STRA8: variants seen among roughly 807,000 people sequenced by gnomAD.
The protein encoded by STRA8 is stimulated by retinoic acid gene 8 protein homolog.
In STRA8, 18 loss-of-function variants were observed where a neutral mutation model predicts 37.1. That is an observed-to-expected ratio of 0.48 (90% confidence interval 0.34 to 0.72). The LOEUF (loss-of-function observed/expected upper bound fraction) is 0.72, where lower values mean the gene tolerates loss of function less well. Among genes scored for constraint, STRA8 ranks in the 30% least tolerant of loss-of-function variants. STRA8 has a pLI of 0.01. For missense variants in STRA8, 357 were observed against 410.4 expected, an observed-to-expected ratio of 0.87 and a Z score of 1.13; for synonymous variants, 168 against 162.9, an observed-to-expected ratio of 1.03 and a Z score of -0.24.
At chr7:135,240,422 T>C in intron 1 of STRA8, 97 bp from the exon 2 acceptor site, 1 of 1,212,074 alleles carries the variant, frequency 8.3e-7, no homozygotes, top group Non-Finnish European at 1.2e-6. Flanking sequence ...TTGGGAAGGG[T>C]ACCTCCTTTC....
At chr7:135,241,465 TC>T (rs1832463264) in intron 2 of STRA8, among the ~76,000 whole-genome samples, 1 of 151,808 alleles carries the variant, frequency 6.6e-6, no homozygotes. Context: ...TGCTTTGGGG[TC>T]CCCCCTCCAT....
intron 1 of STRA8, among the ~76,000 whole-genome samples, chr7:135,236,000 G>A (rs1832371360): frequency 6.6e-6 from 1 of 151,938 alleles, no homozygotes; most frequent in African/African-American, 2.4e-5. Flanking sequence ...TACTCAGGAG[G>A]ATGTGGTGGA....
In STRA8 at chr7:135,240,715, A is replaced by G. The variant is rs1196670380; in HGVS notation, c.191A>G (p.Lys64Arg). The change falls in exon 2 of 9, where the codon AAG (lysine) becomes AGG (arginine). Residue 64 changes from lysine (K) to arginine (R), a missense_variant and splice_region_variant. By Grantham distance (26) the Lys-to-Arg change is conservative. Transcript: ENST00000662584. The stretch of plus-strand genomic sequence containing the variant: ...TCTCAGTCTGATCTCATAGCCTCAA[A>G]GGTATGGGGACCTGGAGGAGGAGAG... The part of the protein sequence containing the change: ...VYSQSDLIAS[K>R]WQVLNKAKSH... 1 of 1,613,730 alleles carries G rather than the reference A, an allele frequency of 6.2e-7. No individual in the cohort carries two copies. The highest frequency in any genetic ancestry group is 8.5e-7 in the Non-Finnish European group (1 of 1,179,878).
intron 7 of STRA8, among the ~76,000 whole-genome samples, chr7:135,253,226 G>A (rs555743926): frequency 8.5e-4 from 129 of 152,296 alleles, no homozygotes; most frequent in Admixed American, 2.0e-3. Flanking sequence ...GAGCCACAGC[G>A]CCTGGCTCTG....
chr7:135,255,023 C>A, intron 7 of STRA8, 91 bp from the exon 8 acceptor site: 2 of 1,056,522 alleles, frequency 1.9e-6, no homozygotes, highest in Non-Finnish European at 1.5e-6. Flanking sequence ...TTGGTTCATA[C>A]TGTAACCCAA....
At chr7:135,257,056 C>T (rs1832712463) in intron 8 of STRA8, among the ~76,000 whole-genome samples, 1 of 152,166 alleles carries the variant, frequency 6.6e-6, no homozygotes, top group South Asian at 2.1e-4. Flanking sequence ...GACTGTGGTC[C>T]CACCTCCCTG....
chr7:135,247,225 T>G (rs1832574458), intron 6 of STRA8: 2 of 152,562 alleles, frequency 1.3e-5, no homozygotes, highest in African/African-American at 4.8e-5. Context: ...TCCCTGGGGA[T>G]GGCAGAAGAC....
chr7:135,249,637 C>T (rs1832611364), intron 6 of STRA8, among the ~76,000 whole-genome samples: 1 of 152,208 alleles, frequency 6.6e-6, no homozygotes, highest in African/African-American at 2.4e-5. Context: ...TGCATAAATA[C>T]ACTCTGTGAT....
chr7:135,247,401 T>A (rs1832576925), intron 6 of STRA8, among the ~76,000 whole-genome samples: 1 of 152,230 alleles, frequency 6.6e-6, no homozygotes, highest in Non-Finnish European at 1.5e-5. Flanking sequence ...CAGTTTCTTA[T>A]CTTTCCCTGC....
At position 135,239,538 on chromosome 7, in the gene STRA8, C is replaced by T. The variant is rs139863886; in HGVS notation, c.-6-981C>T. ...CTAATGGGGGCCAGGCTCTGTGTTA[C>T]GCACTGAGGGTACAGAAGTGACGAA... On this transcript the variant is annotated intron_variant, in intron 1 of 8. Coordinates refer to ENST00000662584, the MANE Select transcript of STRA8 (RefSeq NM_001394401.1). Among the ~76,000 whole-genome samples the T allele has an allele frequency of 2.1e-3, 320 of 152,290 alleles. 1 individual carries two copies. Among genetic ancestry groups the T allele is most frequent in the South Asian group, 0.017 (84 of 4,830 alleles).
At chr7:135,235,871 G>A (rs1832368441) in intron 1 of STRA8, among the ~76,000 whole-genome samples, 1 of 152,202 alleles carries the variant, frequency 6.6e-6, no homozygotes, top group African/African-American at 2.4e-5. Context: ...CACTTTGGGA[G>A]GCCAAGATAG....
At chr7:135,237,009 T>C (rs1832387589) in intron 1 of STRA8, among the ~76,000 whole-genome samples, 1 of 152,196 alleles carries the variant, frequency 6.6e-6, no homozygotes, top group African/African-American at 2.4e-5. Context: ...ATGATTGAGT[T>C]AGAAACCAGT....
intron 8 of STRA8, 48 bp downstream of exon 8, chr7:135,255,273 T>C: frequency 6.8e-7 from 1 of 1,466,182 alleles, no homozygotes; most frequent in Non-Finnish European, 9.5e-7. Context: ...CTTGCTTAGA[T>C]AGCAAAAAGG....
intron 8 of STRA8, 23 bp downstream of exon 8, chr7:135,255,248 G>A: frequency 6.4e-7 from 1 of 1,562,616 alleles, no homozygotes; most frequent in African/African-American, 1.4e-5. Flanking sequence ...AGAGGGCCGT[G>A]GTACCTCTGC....
intron 7 of STRA8, 144 bp from the exon 8 acceptor site, chr7:135,254,970 C>T: frequency 1.5e-6 from 1 of 683,972 alleles, no homozygotes; most frequent in Non-Finnish European, 2.6e-6. Context: ...GTAACACAAA[C>T]CTTTCAAGGA....
rs1585475302 is a variant in STRA8, at chr7:135,246,614, G to A, written c.791G>A (p.Arg264Gln). ...CCTGCGACCCTGGCGGAGGCCTGCCGAGAGCCGGCCTGTGCCGAGGGCAGC... is the reference window on the plus strand; with the variant it reads ...CCTGCGACCCTGGCGGAGGCCTGCCAAGAGCCGGCCTGTGCCGAGGGCAGC... ...RGPATLAEAC[R>Q]EPACAEGSVK... The change falls in exon 6 of 9, where the codon CGA becomes CAA. Residue 264 changes from arginine to glutamine, a missense_variant. Transcript: ENST00000662584. This position sits in a 1 kb window ranked among gnomAD's most constrained non-coding sequence, Gnocchi z 5.4. 1.3e-6 allele frequency: 2 copies of A among 1,541,322 alleles called. No individual in the cohort carries two copies. The highest frequency in any genetic ancestry group is 1.2e-5 in the South Asian group (1 of 83,942).
chr7:135,255,104 CTG>C lies in STRA8; in HGVS notation c.954-8_954-7del. Reference sequence around the variant, plus strand: ...AATATTTGTTGCCTTTTCTTCCTTTCTGTTGTCAGTTCAGTGCTTGCCAGCTG... The same window carrying C: ...AATATTTGTTGCCTTTTCTTCCTTTCTTGTCAGTTCAGTGCTTGCCAGCTG... On this transcript the variant is annotated splice_region_variant and splice_polypyrimidine_tract_variant and intron_variant, in intron 7 of 8. Transcript: ENST00000662584. The C allele has an allele frequency of 6.2e-7, 1 of 1,609,170 alleles. No homozygotes were observed. Among genetic ancestry groups the C allele is most frequent in the Non-Finnish European group, 8.5e-7 (1 of 1,175,604 alleles).
chr7:135,246,354 C>T lies in STRA8; in HGVS notation c.594-63C>T. The T allele has an allele frequency of 6.4e-6, 10 of 1,555,048 alleles. No individual in the cohort carries two copies. The highest frequency in any genetic ancestry group is 2.4e-5 in the East Asian group (1 of 41,366). On this transcript the variant is annotated intron_variant, in intron 5 of 8. Coordinates refer to ENST00000662584, the MANE Select transcript of STRA8 (RefSeq NM_001394401.1). The surrounding 1 kb of genome is among the most constrained non-coding windows in gnomAD (Gnocchi z 5.4). Reference sequence around the variant, plus strand: ...GCGTGCTGGGGTCCACACCATGAACCGAATCCCGAATCGCTTCGAGAGGGA... The same window carrying T: ...GCGTGCTGGGGTCCACACCATGAACTGAATCCCGAATCGCTTCGAGAGGGA...
chr7:135,242,596 A>C (rs1181010551), intron 2 of STRA8, among the ~76,000 whole-genome samples, 185 bp from the exon 3 acceptor site: 1 of 152,230 alleles, frequency 6.6e-6, no homozygotes, highest in East Asian at 1.9e-4. Context: ...TCTAGGCTAC[A>C]AACAAAACTT....
Sources: gnomAD v4.1 joint callset for allele counts (sites outside exome capture counted in the v4.1 genomes callset) on GRCh38, gnomAD v4.1.1 for gene constraint, Gnocchi (gnomAD v3.1) non-coding constraint, MANE v1.5 for transcripts, NCBI Gene and HGNC (gene_info 2026-07-23, HGNC 2026-07-21) for gene names.